The following DPH6 variants were observed in gnomAD, a reference collection of about 807,000 sequenced individuals.
DPH6 encodes diphthamine biosynthesis 6.
A neutral mutation model predicts 38.2 loss-of-function variants in DPH6; 33 were observed. The ratio of observed to expected loss-of-function variants is 0.86; its 90% CI spans 0.65 to 1.15. DPH6 has a LOEUF of 1.15. DPH6 is among the 50% of genes most tolerant of loss of function. The pLI is 0.00. For missense variants in DPH6, 325 were observed against 320.0 expected (o/e 1.02, Z -0.12); for synonymous variants, 108 against 103.0 (o/e 1.05, Z -0.30).
intron 3 of DPH6, among the ~76,000 whole-genome samples, chr15:35,244,506 A>G (rs540660065): frequency 2.6e-5 from 4 of 152,326 alleles, no homozygotes; most frequent in Non-Finnish European, 4.4e-5. Context: ...CTAACACACA[A>G]TTTATTCATC....
At chr15:35,400,867 G>C in intron 6 of DPH6, 1 of 855,888 alleles carries the variant, frequency 1.2e-6, no homozygotes, top group East Asian at 2.4e-5. Flanking sequence ...CTTTGGGTTT[G>C]TCTCATATGC....
At chr15:35,430,057 G>A (rs552059465) in intron 5 of DPH6, among the ~76,000 whole-genome samples, 65 of 152,130 alleles carry the variant, frequency 4.3e-4, no homozygotes, top group Non-Finnish European at 7.1e-4. Flanking sequence ...GTTTGTAAAG[G>A]CTGAATTTAA....
intron 3 of DPH6, among the ~76,000 whole-genome samples, chr15:35,494,188 A>T (rs1702825133): frequency 6.6e-6 from 1 of 152,142 alleles, no homozygotes; most frequent in Admixed American, 6.6e-5. Flanking sequence ...TGCTTAAAAA[A>T]TTGCCTTTAG....
intron 5 of DPH6, among the ~76,000 whole-genome samples, chr15:35,444,777 G>A (rs1293924374): frequency 6.6e-6 from 1 of 152,148 alleles, no homozygotes; most frequent in Non-Finnish European, 1.5e-5. Flanking sequence ...TCCTGGAAGA[G>A]AGCTCCCTCT....
At chr15:35,299,153 G>C (rs2052036204) in intron 3 of DPH6, 2 of 1,283,680 alleles carry the variant, frequency 1.6e-6, no homozygotes, top group South Asian at 2.6e-5. Flanking sequence ...GATCATATTC[G>C]TCAGCTAAGG....
At chr15:35,187,179 T>C in the DPH6 span, among the ~76,000 whole-genome samples, 1 of 152,204 alleles carries the variant, frequency 6.6e-6, no homozygotes, top group Admixed American at 6.5e-5. Context: ...GCTCAATAAA[T>C]ATCAGTTTCC....
chr15:35,520,882 T>C (rs2054914070), intron 3 of DPH6: 1 of 985,198 alleles, frequency 1.0e-6, no homozygotes, highest in Admixed American at 6.2e-5. Flanking sequence ...CCAAATTCCC[T>C]GGAAAAACAG....
At chr15:35,535,499 A>G (rs1427662681) in intron 3 of DPH6, among the ~76,000 whole-genome samples, 1 of 152,182 alleles carries the variant, frequency 6.6e-6, no homozygotes, top group Non-Finnish European at 1.5e-5. Flanking sequence ...ACCCAGCAGA[A>G]CAGAAAGAAT....
chr15:35,269,935 C>G (rs2051811606), intron 3 of DPH6, among the ~76,000 whole-genome samples: 1 of 151,478 alleles, frequency 6.6e-6, no homozygotes, highest in Admixed American at 6.6e-5. Context: ...GGACTACAGG[C>G]ACCTGCCACC....
chr15:35,487,596 C>A (rs1196326421), intron 3 of DPH6, among the ~76,000 whole-genome samples: 2 of 152,354 alleles, frequency 1.3e-5, no homozygotes, highest in East Asian at 3.9e-4. Context: ...AGCAGTGGGG[C>A]AGTAGGCCTG....
downstream of DPH6, among the ~76,000 whole-genome samples, chr15:35,366,437 G>A (rs1019973208): frequency 1.3e-5 from 2 of 151,848 alleles, no homozygotes; most frequent in African/African-American, 4.8e-5. Flanking sequence ...ACATTTAAGT[G>A]TTTATTTAGC....
At chr15:35,381,962 G>A (rs935914474) in intron 6 of DPH6, 46 bp from the exon 7 acceptor site, 6 of 1,449,468 alleles carry the variant, frequency 4.1e-6, no homozygotes, top group Admixed American at 3.6e-5. Context: ...TTTAAAATTA[G>A]ACAGCATAAA....
intron 3 of DPH6, among the ~76,000 whole-genome samples, chr15:35,339,373 G>A (rs893702104): frequency 1.3e-5 from 2 of 151,666 alleles, no homozygotes; most frequent in Admixed American, 6.6e-5. Flanking sequence ...CACCCAGGCC[G>A]GAGTGCAGTG....
chr15:35,236,729 C>T (rs187711615), intron 3 of DPH6, among the ~76,000 whole-genome samples: 1 of 151,944 alleles, frequency 6.6e-6, no homozygotes, highest in East Asian at 1.9e-4. Context: ...GTAATCTGAC[C>T]ATGATTTTGA....
intron 7 of DPH6, among the ~76,000 whole-genome samples, chr15:35,378,558 A>T (rs1205502288): frequency 3.3e-5 from 5 of 152,198 alleles, no homozygotes; most frequent in Non-Finnish European, 2.9e-5. Flanking sequence ...TTCACATAGC[A>T]AAGACTTGGA....
chr15:35,458,016 C>G (rs1250283050), intron 3 of DPH6, among the ~76,000 whole-genome samples: 1 of 152,110 alleles, frequency 6.6e-6, no homozygotes, highest in Non-Finnish European at 1.5e-5. Context: ...TTGCATATAA[C>G]CAATGCATAT....
chr15:35,322,364 T>TTAAACTA (rs2052248080), intron 3 of DPH6, among the ~76,000 whole-genome samples: 1 of 152,208 alleles, frequency 6.6e-6, no homozygotes, highest in African/African-American at 2.4e-5. Flanking sequence ...TATAATTGCT[T>TTAAACTA]TAAACTATAA....
chr15:35,487,948 A>T (rs1440942806), intron 3 of DPH6, among the ~76,000 whole-genome samples: 2 of 152,186 alleles, frequency 1.3e-5, no homozygotes, highest in African/African-American at 4.8e-5. Context: ...TTGCTTAGAA[A>T]TTTCTTCTGC....
In DPH6 at chr15:35,261,832, TA is replaced by T. The variant is rs34849713; in HGVS notation, n.201-41251del. 2.8e-3 allele frequency among the ~76,000 whole-genome samples: 416 copies of T among 146,982 alleles called. 1 individual carries two copies. The highest frequency in any genetic ancestry group is 9.6e-3 in the African/African-American group (381 of 39,864). On this transcript the variant is annotated intron_variant and non_coding_transcript_variant, in intron 3 of 3. Transcript: ENST00000560386. Reference sequence around the variant, plus strand: ...TGGGCAACAGAGCAAGACCCTCTCTTAAAAAAAAAAAAATGAAACTCTTCCT... The same window carrying T: ...TGGGCAACAGAGCAAGACCCTCTCTTAAAAAAAAAAAATGAAACTCTTCCT...
Sources: allele counts gnomAD v4.1 joint callset (sites outside exome capture counted in the v4.1 genomes callset), GRCh38; gene constraint gnomAD v4.1.1; transcripts MANE v1.5; gene names NCBI Gene and HGNC (gene_info 2026-07-23, HGNC 2026-07-21).